CIITA: variants seen among roughly 807,000 people sequenced by gnomAD.
CIITA encodes the protein MHC class II transactivator.
CIITA carries 72 observed loss-of-function variants against 115.1 expected under a neutral mutation model. The observed-to-expected ratio is 0.63, with a 90% CI of 0.52 to 0.76. The LOEUF (loss-of-function observed/expected upper bound fraction) is 0.76. Among genes scored for constraint, CIITA ranks in the 30% least tolerant of loss-of-function variants. CIITA has a pLI of 0.00. For missense variants in CIITA, 1,617 were observed against 1,463.8 expected (o/e 1.10, Z -1.71); for synonymous variants, 763 against 635.6 (o/e 1.20, Z -3.02).
At chr16:10,914,794 C>T (rs796493199) in intron 13 of CIITA, among the ~76,000 whole-genome samples, 1 of 152,156 alleles carries the variant, frequency 6.6e-6, no homozygotes, top group African/African-American at 2.4e-5. Flanking sequence ...GAGGGAAGGG[C>T]CTAGCATGCC....
chr16:10,935,980 C>A lies in CIITA; in HGVS notation c.*12125C>A, dbSNP rs1433018046. The A allele has an allele frequency of 7.1e-6, 1 of 141,080 alleles. No homozygotes were observed. Among genetic ancestry groups the A allele is most frequent in the African/African-American group, 2.5e-5 (1 of 39,710 alleles). 8.7% of individuals were successfully genotyped at this position (141,080 alleles called of 1,614,324 possible). A position where few individuals can be genotyped will look rare whatever the true frequency, so the allele number is the denominator to read the frequency against. ...CCCTTTTTATTGTTAAGGGACACTA[C>A]TGGGACAATTTTTTTTTTTTTTCGT... On this transcript the variant is annotated 3_prime_UTR_variant, in exon 20 of 20. Coordinates refer to ENST00000324288, the MANE Select transcript of CIITA (RefSeq NM_000246.4).
rs1359596079 is a variant in CIITA, at chr16:10,928,155, T to A, written c.*4300T>A. ...TCTGCCGCCTGTACTCTCCCACACC[T>A]CAGTCTCCTCGCCTGTAGAAAGGGG... is the stretch of plus-strand genomic sequence containing the variant. On this transcript the variant is annotated 3_prime_UTR_variant, in exon 20 of 20. Transcript: ENST00000324288. The A allele has an allele frequency of 1.3e-5, 2 of 152,196 alleles. No individual in the cohort carries two copies. Among genetic ancestry groups the A allele is most frequent in the Non-Finnish European group, 2.9e-5 (2 of 68,042 alleles). The allele number at this position is 152,196 out of a possible 1,614,324, so 9.4% of individuals were successfully genotyped here.
At chr16:10,908,864 GA>G in intron 11 of CIITA, 164 bp from the exon 12 acceptor site, 1 of 913,610 alleles carries the variant, frequency 1.1e-6, no homozygotes, top group Non-Finnish European at 1.7e-6. Context: ...GAGAAAGTAG[GA>G]ATCAATAAAG....
chr16:10,922,539 G>A (rs375592261), intron 18 of CIITA, 49 bp downstream of exon 18: 20 of 1,575,822 alleles, frequency 1.3e-5, no homozygotes, highest in Admixed American at 1.7e-5. Context: ...CTCCCCAGGC[G>A]TGTGGCCCAG....
Position 10,923,150 on chromosome 16 carries a change from T to G in CIITA, c.3318-78T>G. 3.3e-6 allele frequency: 4 copies of G among 1,194,628 alleles called. No homozygotes were observed. The highest frequency in any genetic ancestry group is 1.5e-5 in the African/African-American group (1 of 66,932). The allele number at this position is 1,194,628 out of a possible 1,614,324, so 74.0% of individuals were successfully genotyped here. ...GTTCTAGGCTGGGTGGAAGGAGGGA[T>G]TTGGGGGCAGCTGTCACTGGGGCCC... On this transcript the variant is annotated intron_variant, in intron 18 of 19. Coordinates refer to ENST00000324288, the MANE Select transcript of CIITA (RefSeq NM_000246.4). The surrounding 1 kb of genome is among the most constrained non-coding windows in gnomAD (Gnocchi z 5.2).
chr16:10,890,227 C>T (rs1315299592), intron 1 of CIITA, among the ~76,000 whole-genome samples: 2 of 151,756 alleles, frequency 1.3e-5, no homozygotes, highest in East Asian at 3.9e-4. Flanking sequence ...GGCAACTTCT[C>T]AGTGGTGGTG....
chr16:10,877,106 T>A (rs1596411369), upstream of CIITA: 1 of 618,586 alleles, frequency 1.6e-6, no homozygotes, highest in Non-Finnish European at 2.9e-6. Flanking sequence ...ATCTGACCGC[T>A]TGGGGCCACC....
intron 5 of CIITA, among the ~76,000 whole-genome samples, chr16:10,900,269 C>G (rs912088234): frequency 5.9e-5 from 9 of 152,196 alleles, no homozygotes; most frequent in Admixed American, 1.3e-4. Context: ...TTTATTTACA[C>G]TATTCTGCAT....
upstream of CIITA, among the ~76,000 whole-genome samples, chr16:10,872,599 T>G (rs1315013367): frequency 6.6e-6 from 1 of 152,262 alleles, no homozygotes; most frequent in African/African-American, 2.4e-5. Flanking sequence ...CCTGCATTCC[T>G]ACCAGCTAAG....
chr16:10,937,539 C>T (rs959415990), downstream of CIITA: 2 of 152,264 alleles, frequency 1.3e-5, no homozygotes, highest in Admixed American at 6.5e-5. The surrounding 1 kb of genome is among the most constrained non-coding windows in gnomAD (Gnocchi z 4.2). Flanking sequence ...TAACCCTCAG[C>T]TCCAAATCTG....
At chr16:10,898,379 A>G (rs1283895921) in intron 3 of CIITA, among the ~76,000 whole-genome samples, 1 of 152,026 alleles carries the variant, frequency 6.6e-6, no homozygotes, top group Non-Finnish European at 1.5e-5. Flanking sequence ...GCTAGTGGAA[A>G]GTAGAGGTGG....
chr16:10,942,024 G>T lies in CIITA; in HGVS notation n.1150G>T, dbSNP rs1182155127. 1 of 1,395,026 alleles carries T rather than the reference G, an allele frequency of 7.2e-7. No homozygotes were observed. Among genetic ancestry groups the T allele is most frequent in the Admixed American group, 3.4e-5 (1 of 29,178 alleles). 86.4% of individuals were successfully genotyped at this position (1,395,026 alleles called of 1,614,324 possible). On this transcript the variant is annotated non_coding_transcript_exon_variant, in exon 2 of 2. Coordinates refer to the CIITA transcript ENST00000573379. This position sits in a 1 kb window ranked among gnomAD's most constrained non-coding sequence, Gnocchi z 5.0. ...CGAGCATGCAGCGGGTGGCAAGGGC[G>T]GCGGCCCGGCGATCCCGGCGAACTC...
intron 15 of CIITA, among the ~76,000 whole-genome samples, 199 bp from the exon 16 acceptor site, chr16:10,918,241 G>A (rs2040067710): frequency 6.6e-6 from 1 of 152,214 alleles, no homozygotes; most frequent in African/African-American, 2.4e-5. Context: ...GCAGGAGGGT[G>A]CACTCTCCCT....
Position 10,902,670 on chromosome 16 carries a change from G to A in CIITA, c.641G>A (p.Ser214Asn). The A allele has an allele frequency of 1.9e-6, 3 of 1,614,236 alleles. No individual in the cohort carries two copies. The highest frequency in any genetic ancestry group is 2.5e-6 in the Non-Finnish European group (3 of 1,180,044). The change falls in exon 8 of 20, where the codon AGT becomes AAT. Residue 214 changes from serine (S) to asparagine (N), a missense_variant. Physicochemically the swap from Ser to Asn is conservative, Grantham distance 46. Transcript: ENST00000324288. ...KTDQIPMPFS[S>N]SSLSCLNLPE... is the part of the protein sequence containing the mutation. Reference sequence around the variant, plus strand: ...TTGTCTCTTGCAGTGCCTTTCTCCAGTTCCTCGTTGAGCTGCCTGAATCTC... The same window carrying A: ...TTGTCTCTTGCAGTGCCTTTCTCCAATTCCTCGTTGAGCTGCCTGAATCTC...
At chr16:10,937,578 G>A (rs972910592), downstream of CIITA, 3 of 152,252 alleles carry the variant, frequency 2.0e-5, no homozygotes, top group African/African-American at 7.2e-5. The surrounding 1 kb of genome is among the most constrained non-coding windows in gnomAD (Gnocchi z 4.2). Context: ...TGACTCTGGT[G>A]GCAACGTTCT....
At chr16:10,897,073 C>T (rs554386435) in intron 3 of CIITA, among the ~76,000 whole-genome samples, 152 of 152,246 alleles carry the variant, frequency 1.0e-3, no homozygotes, top group Non-Finnish European at 1.9e-3. Context: ...CCACAGGCAG[C>T]GAAAGCTGTC....
intron 1 of CIITA, among the ~76,000 whole-genome samples, chr16:10,881,468 A>G (rs1286853968): frequency 6.6e-6 from 1 of 152,228 alleles, no homozygotes; most frequent in Admixed American, 6.5e-5. Context: ...TCCTTCTGAC[A>G]TCAAGGACAA....
rs944728823 is a variant in CIITA, at chr16:10,901,525, G to A, written c.448G>A (p.Glu150Lys). The change falls in exon 6 of 20, where the codon GAG becomes AAG. Residue 150 changes from glutamate (E) to lysine (K), a missense_variant. By Grantham distance (56) the Glu-to-Lys change is moderately conservative. Coordinates refer to ENST00000324288, the MANE Select transcript of CIITA (RefSeq NM_000246.4). The surrounding 1 kb of genome is among the most constrained non-coding windows in gnomAD (Gnocchi z 6.8). ...QKSQKRPFPE[E>K]LPADLKHWKP... is the part of the protein sequence containing the mutation. ...TGTTTTCTCTGCAGCCTTCCCAGAG[G>A]AGCTTCCGGCAGACCTGAAGCACTG... 6.2e-7 allele frequency: 1 copy of A among 1,613,974 alleles called. No individual in the cohort carries two copies. Among genetic ancestry groups the A allele is most frequent in the African/African-American group, 1.3e-5 (1 of 74,924 alleles).
intron 13 of CIITA, chr16:10,914,952 C>G (rs1445153385): frequency 2.4e-6 from 1 of 409,200 alleles, no homozygotes; most frequent in Non-Finnish European, 4.9e-6. Flanking sequence ...AGAAGGGTAT[C>G]TGTGGATGTT....
Sources: gnomAD v4.1 joint callset for allele counts (sites outside exome capture counted in the v4.1 genomes callset) on GRCh38, gnomAD v4.1.1 for gene constraint, Gnocchi (gnomAD v3.1) non-coding constraint, MANE v1.5 for transcripts, NCBI Gene and HGNC (gene_info 2026-07-23, HGNC 2026-07-21) for gene names.